Variants in PLXNA4 observed in about 807,000 individuals in gnomAD.
PLXNA4 encodes the protein plexin A4.
PLXNA4 carries 44 observed loss-of-function variants against 191.8 expected under a neutral mutation model. The ratio of observed to expected loss-of-function variants is 0.23; its 90% confidence interval spans 0.18 to 0.29. The LOEUF (loss-of-function observed/expected upper bound fraction) is 0.29. PLXNA4 is among the 10% of genes least tolerant of loss of function. The pLI, the probability that PLXNA4 is intolerant of heterozygous loss-of-function variation, is 1.00. For missense variants in PLXNA4, 1,800 were observed against 2,488.8 expected (o/e 0.72, Z 5.89); for synonymous variants, 1,082 against 1,009.5 (o/e 1.07, Z -1.36).
At position 132,406,544 on chromosome 7, in the gene PLXNA4, C is replaced by A. The variant is rs558594267; in HGVS notation, c.1371+82748G>T. Among the ~76,000 whole-genome samples, 35 of 152,314 alleles carry A rather than the reference C, an allele frequency of 2.3e-4. No homozygotes were observed. In the South Asian group the frequency reaches 6.8e-3, roughly 30 times the overall value. On this transcript the variant is annotated intron_variant, in intron 3 of 31. Coordinates refer to ENST00000321063, the MANE Select transcript of PLXNA4 (RefSeq NM_020911.2). ...TAGGGCTTCTCCTTTGGCCTCCTAG[C>A]TTCAGAGCATCTGCTCCCTCCTAGC...
At chr7:132,417,658 GGAGA>G (rs1328857454) in intron 3 of PLXNA4, among the ~76,000 whole-genome samples, 5 of 147,050 alleles carry the variant, frequency 3.4e-5, no homozygotes, top group Admixed American at 7.0e-5. Flanking sequence ...AGAGAGAGAA[GGAGA>G]GAGAGAAAAA....
chr7:132,222,331 C>T (rs540381549), intron 9 of PLXNA4, among the ~76,000 whole-genome samples: 1 of 152,308 alleles, frequency 6.6e-6, no homozygotes, highest in African/African-American at 2.4e-5. Context: ...GTACATTGAC[C>T]TTCCCTTTCA....
chr7:132,159,757 G>C, intron 24 of PLXNA4, 125 bp from the exon 25 acceptor site: 4 of 1,483,088 alleles, frequency 2.7e-6, no homozygotes, highest in Non-Finnish European at 3.6e-6. Context: ...CTAGGGAGGA[G>C]TAGGGTGGCT....
At chr7:132,411,348 T>G (rs539063522) in intron 3 of PLXNA4, among the ~76,000 whole-genome samples, 1 of 152,318 alleles carries the variant, frequency 6.6e-6, no homozygotes, top group African/African-American at 2.4e-5. Context: ...GGCTTCACCC[T>G]GGAATCCCTC....
intron 3 of PLXNA4, among the ~76,000 whole-genome samples, chr7:132,351,099 A>T (rs1486871559): frequency 6.6e-6 from 1 of 152,220 alleles, no homozygotes; most frequent in Non-Finnish European, 1.5e-5. Flanking sequence ...GTACAGAGAA[A>T]GATAGATTAG....
chr7:132,635,510 G>C lies in PLXNA4; in HGVS notation c.-87+10418C>G, dbSNP rs543410187. On this transcript the variant is annotated intron_variant, in intron 2 of 4. Transcript: ENST00000378539. ...CTAGATTCAAAATAACCAAGAGATA[G>C]AACACACGATGTTCCCAGCAATTAG... 5.3e-5 allele frequency among the ~76,000 whole-genome samples: 8 copies of C among 152,214 alleles called. No homozygotes were observed. The East Asian group carries it at 1.5e-3, about 29-fold the overall frequency.
intron 3 of PLXNA4, chr7:132,385,004 T>C: frequency 1.4e-6 from 2 of 1,402,226 alleles, no homozygotes; most frequent in East Asian, 2.7e-5. Flanking sequence ...ACCAACTACC[T>C]AGCCAAGCTA....
At chr7:132,227,115 C>T (rs903820581) in intron 7 of PLXNA4, among the ~76,000 whole-genome samples, 2 of 152,200 alleles carry the variant, frequency 1.3e-5, no homozygotes, top group Non-Finnish European at 2.9e-5. Context: ...TCCACTGACC[C>T]GCCAAGCCAG....
At chr7:132,184,222 C>A (rs576666171) in intron 16 of PLXNA4, among the ~76,000 whole-genome samples, 2 of 152,176 alleles carry the variant, frequency 1.3e-5, no homozygotes, top group Non-Finnish European at 2.9e-5. Context: ...CAGGGGGCAG[C>A]GGGAGGGGGC....
chr7:132,627,637 C>T (rs1049542822), intron 2 of PLXNA4, among the ~76,000 whole-genome samples: 1 of 152,162 alleles, frequency 6.6e-6, no homozygotes, highest in African/African-American at 2.4e-5. Flanking sequence ...GGGATTAGTG[C>T]TTTTATAAAA....
chr7:132,608,991 A>T (rs1418883905), intron 2 of PLXNA4, among the ~76,000 whole-genome samples: 1 of 151,968 alleles, frequency 6.6e-6, no homozygotes, highest in African/African-American at 2.4e-5. Flanking sequence ...CCTTGCTCAC[A>T]TGTTGTTTCT....
At chr7:132,353,066 G>A (rs1345285635) in intron 3 of PLXNA4, among the ~76,000 whole-genome samples, 1 of 152,072 alleles carries the variant, frequency 6.6e-6, no homozygotes, top group Admixed American at 6.5e-5. Context: ...GATGTTTCTT[G>A]GCTATACTTT....
chr7:132,320,063 T>G (rs1802102766), intron 3 of PLXNA4, among the ~76,000 whole-genome samples: 1 of 152,208 alleles, frequency 6.6e-6, no homozygotes, highest in Non-Finnish European at 1.5e-5. Flanking sequence ...CCCTTGAAAG[T>G]CAGCATGACA....
intron 3 of PLXNA4, among the ~76,000 whole-genome samples, chr7:132,421,578 G>GTT (rs370481755): frequency 0.02 from 2,910 of 146,618 alleles, 86 homozygotes; most frequent in African/African-American, 0.067. Flanking sequence ...TATTGCTAAA[G>GTT]TTTTTTTTTT....
chr7:132,456,091 C>G (rs1179125670), intron 3 of PLXNA4, among the ~76,000 whole-genome samples: 1 of 151,292 alleles, frequency 6.6e-6, no homozygotes, highest in Admixed American at 6.6e-5. Context: ...TTGGGGGTCC[C>G]TCTTCGCATC....
intron 3 of PLXNA4, among the ~76,000 whole-genome samples, chr7:132,313,968 A>C (rs1801847932): frequency 6.6e-6 from 1 of 152,148 alleles, no homozygotes; most frequent in Admixed American, 6.5e-5. Flanking sequence ...TTGCCCCCAG[A>C]CACTACAGAG....
At chr7:132,315,316 C>G (rs921737733) in intron 3 of PLXNA4, among the ~76,000 whole-genome samples, 3 of 152,140 alleles carry the variant, frequency 2.0e-5, no homozygotes, top group Non-Finnish European at 4.4e-5. Flanking sequence ...TAAGATTTGG[C>G]TGGTTTCTAC....
intron 5 of PLXNA4, among the ~76,000 whole-genome samples, chr7:132,229,329 T>C (rs963081828): frequency 3.3e-5 from 5 of 152,230 alleles, no homozygotes; most frequent in Non-Finnish European, 5.9e-5. Context: ...CTTGCAGTCC[T>C]AGCTGATGAA....
At chr7:132,229,651 T>C (rs2116988281) in intron 5 of PLXNA4, among the ~76,000 whole-genome samples, 1 of 152,226 alleles carries the variant, frequency 6.6e-6, no homozygotes, top group African/African-American at 2.4e-5. Flanking sequence ...AAGGAAGATG[T>C]CAGGAGCTGT....
Sources: gnomAD v4.1 joint callset for allele counts (sites outside exome capture counted in the v4.1 genomes callset) on GRCh38, gnomAD v4.1.1 for gene constraint, MANE v1.5 for transcripts, NCBI Gene and HGNC (gene_info 2026-07-23, HGNC 2026-07-21) for gene names.